DPP6: variants seen among roughly 807,000 people sequenced by gnomAD.
DPP6 encodes dipeptidyl peptidase like 6.
DPP6 carries 69 observed loss-of-function variants against 122.6 expected under a neutral mutation model. That is an observed-to-expected ratio of 0.56 (90% CI 0.46 to 0.69). The LOEUF is 0.69. Ranked by LOEUF, DPP6 falls within the 30% of genes least tolerant of loss-of-function variation. The pLI is 0.00. For synonymous variants in DPP6, 418 were observed against 433.1 expected (o/e 0.97, Z 0.43); for missense variants, 928 against 1,116.9 (o/e 0.83, Z 2.41).
intron 3 of DPP6, among the ~76,000 whole-genome samples, chr7:154,482,562 T>C (rs1162717731): frequency 1.3e-5 from 2 of 152,184 alleles, no homozygotes; most frequent in Non-Finnish European, 2.9e-5. Flanking sequence ...TTTTCATAGC[T>C]CTCCTTCCAG....
chr7:154,098,094 C>G (rs1805461483), intron 1 of DPP6, among the ~76,000 whole-genome samples: 1 of 152,128 alleles, frequency 6.6e-6, no homozygotes, highest in Admixed American at 6.5e-5. Context: ...AATTGTAGCT[C>G]CCATAATCCT....
rs150487246 is a variant in DPP6 at position 154,564,031 on chromosome 7, A to G, written c.553-2811A>G. 9.6e-3 allele frequency among the ~76,000 whole-genome samples: 1,459 copies of G among 152,300 alleles called. 24 individuals carry two copies. Among genetic ancestry groups the G allele is most frequent in the African/African-American group, 0.032 (1,322 of 41,564 alleles). On this transcript the variant is annotated intron_variant, in intron 4 of 25. Transcript: ENST00000377770. ...ACAAGGAGAAGCACAAAATAGCATG[A>G]AAAGAACCAGCGAGGGAGGTAGGAG...
At chr7:154,104,451 G>A (rs141565949) in intron 1 of DPP6, among the ~76,000 whole-genome samples, 312 of 152,340 alleles carry the variant, frequency 2.0e-3, no homozygotes, top group African/African-American at 7.2e-3. Flanking sequence ...TGCCCATGGT[G>A]GAACGTGCTT....
At position 154,500,660 on chromosome 7, in the gene DPP6, G is replaced by A. The variant is rs148059492; in HGVS notation, c.457+25623G>A. Among the ~76,000 whole-genome samples the A allele has an allele frequency of 2.9e-3, 449 of 152,292 alleles. 6 individuals carry two copies. The highest frequency in any genetic ancestry group is 0.028 in the Admixed American group (433 of 15,298). On this transcript the variant is annotated intron_variant, in intron 3 of 25. Coordinates refer to ENST00000377770, the MANE Select transcript of DPP6 (RefSeq NM_130797.4). ...TTTTACCTTCCACCAGGATTGTGAG[G>A]CCTCCCCAGCCACGTGGAACTGTAA...
chr7:154,035,314 G>A (rs961925001), intron 1 of DPP6, among the ~76,000 whole-genome samples: 11 of 152,160 alleles, frequency 7.2e-5, no homozygotes, highest in African/African-American at 1.2e-4. Context: ...TAAGTAAAGC[G>A]AATAAGTTAC....
At chr7:154,033,728 G>T (rs1265285955) in intron 1 of DPP6, among the ~76,000 whole-genome samples, 1 of 152,080 alleles carries the variant, frequency 6.6e-6, no homozygotes, top group African/African-American at 2.4e-5. Context: ...AAAAGAAGAG[G>T]ACCCTTCACA....
intron 1 of DPP6, among the ~76,000 whole-genome samples, chr7:154,319,932 G>C (rs577832702): frequency 3.7e-4 from 56 of 150,816 alleles, no homozygotes; most frequent in African/African-American, 1.0e-3. Flanking sequence ...CGGAGGTTGC[G>C]GTGAGCCGAG....
intron 1 of DPP6, among the ~76,000 whole-genome samples, chr7:154,391,459 T>G (rs1458953458): frequency 3.3e-5 from 5 of 152,218 alleles, no homozygotes; most frequent in African/African-American, 1.2e-4. Context: ...TAGGCACATC[T>G]CTGAATGTGC....
the DPP6 span, among the ~76,000 whole-genome samples, chr7:153,776,617 T>G: frequency 6.6e-6 from 1 of 152,150 alleles, no homozygotes; most frequent in African/African-American, 2.4e-5. Flanking sequence ...TTAAACAGAT[T>G]AGAGTCCAGA....
At chr7:154,180,014 G>A (rs886422594) in intron 1 of DPP6, among the ~76,000 whole-genome samples, 3 of 152,222 alleles carry the variant, frequency 2.0e-5, no homozygotes, top group Non-Finnish European at 1.5e-5. Context: ...AGGTCTTTTT[G>A]TATAGAAACA....
At chr7:154,537,233 G>A (rs78108508) in intron 3 of DPP6, among the ~76,000 whole-genome samples, 4,966 of 151,992 alleles carry the variant, frequency 0.033, 269 homozygotes, top group African/African-American at 0.11. Flanking sequence ...AGAAAAAAGT[G>A]GGCAAAATAA....
At chr7:154,235,278 G>A (rs1251499985) in intron 1 of DPP6, among the ~76,000 whole-genome samples, 3 of 152,174 alleles carry the variant, frequency 2.0e-5, no homozygotes, top group African/African-American at 4.8e-5. Context: ...TATCGTGTGT[G>A]TTTTCTTCAT....
chr7:154,321,984 G>T (rs927838935), intron 1 of DPP6, among the ~76,000 whole-genome samples: 1 of 151,930 alleles, frequency 6.6e-6, no homozygotes, highest in Non-Finnish European at 1.5e-5. Context: ...CCTCCTGTGG[G>T]CACTCTATTG....
chr7:153,902,373 T>G (rs1363563825), intron 1 of DPP6, among the ~76,000 whole-genome samples: 1 of 152,160 alleles, frequency 6.6e-6, no homozygotes, highest in East Asian at 1.9e-4. Flanking sequence ...GAGCAAAGTG[T>G]CCACCGATGT....
chr7:153,995,308 T>C (rs1797370297), intron 1 of DPP6, among the ~76,000 whole-genome samples: 1 of 152,146 alleles, frequency 6.6e-6, no homozygotes. Context: ...AATGAAGGGC[T>C]GGGCGCGGTG....
At chr7:154,751,392 G>C (rs943473196) in intron 8 of DPP6, among the ~76,000 whole-genome samples, 6 of 151,756 alleles carry the variant, frequency 4.0e-5, no homozygotes, top group African/African-American at 1.5e-4. Flanking sequence ...CTGAGGTCAG[G>C]AGTTCGAGAC....
At chr7:154,886,334 G>T (rs1806150994) in intron 22 of DPP6, among the ~76,000 whole-genome samples, 1 of 152,230 alleles carries the variant, frequency 6.6e-6, no homozygotes, top group Non-Finnish European at 1.5e-5. Context: ...ACAAGGCAGA[G>T]ATGGGGTCAG....
chr7:154,539,226 A>G (rs1563823085), intron 3 of DPP6, among the ~76,000 whole-genome samples: 1 of 152,236 alleles, frequency 6.6e-6, no homozygotes, highest in East Asian at 1.9e-4. Context: ...CTGCAACCCT[A>G]CATTTCAGAA....
At chr7:154,638,639 C>A (rs1191803614) in intron 6 of DPP6, among the ~76,000 whole-genome samples, 1 of 148,700 alleles carries the variant, frequency 6.7e-6, no homozygotes, top group Non-Finnish European at 1.5e-5. Flanking sequence ...CCCACACGAC[C>A]CTCAGATGCC....
Sources: allele counts gnomAD v4.1 joint callset (sites outside exome capture counted in the v4.1 genomes callset), GRCh38; gene constraint gnomAD v4.1.1; transcripts MANE v1.5; gene names NCBI Gene and HGNC (gene_info 2026-07-23, HGNC 2026-07-21).